CAP2: variants seen among roughly 807,000 people sequenced by gnomAD.
CAP2 encodes cyclase associated actin cytoskeleton regulatory protein 2, also known as adenylyl cyclase-associated protein 2.
CAP2 carries 24 observed loss-of-function variants against 57.7 expected under a neutral mutation model. That is an observed-to-expected ratio of 0.42 (90% CI 0.30 to 0.58). The LOEUF is 0.58. Among genes scored for constraint, CAP2 ranks in the 20% least tolerant of loss-of-function variants. CAP2 has a pLI of 0.22. For missense variants in CAP2, 501 were observed against 590.3 expected (o/e 0.85, Z 1.57); for synonymous variants, 194 against 207.2 (o/e 0.94, Z 0.55).
chr6:17,477,799 G>A (rs2113617588), intron 4 of CAP2, among the ~76,000 whole-genome samples: 1 of 152,060 alleles, frequency 6.6e-6, no homozygotes, highest in Non-Finnish European at 1.5e-5. Context: ...TATTTTTCTT[G>A]AAAAGAAACT....
At chr6:17,537,813 C>T (rs1468174128) in intron 7 of CAP2, among the ~76,000 whole-genome samples, 1 of 152,114 alleles carries the variant, frequency 6.6e-6, no homozygotes, top group Admixed American at 6.6e-5. Context: ...CACCTGTAAT[C>T]CCAGCACTTT....
intron 2 of CAP2, among the ~76,000 whole-genome samples, chr6:17,425,819 G>C (rs917473193): frequency 2.6e-4 from 39 of 152,304 alleles, no homozygotes; most frequent in Non-Finnish European, 7.3e-5. Flanking sequence ...GGAGATCCGG[G>C]CATGGTGGCT....
intron 4 of CAP2, among the ~76,000 whole-genome samples, chr6:17,466,535 G>A (rs376367484): frequency 6.6e-6 from 1 of 152,124 alleles, no homozygotes; most frequent in East Asian, 1.9e-4. Context: ...CATTTCCAAC[G>A]GTCTCTAGAC....
At chr6:17,430,370 A>G (rs1759695558) in intron 3 of CAP2, among the ~76,000 whole-genome samples, 1 of 152,210 alleles carries the variant, frequency 6.6e-6, no homozygotes, top group African/African-American at 2.4e-5. Context: ...CCTTTTAAAA[A>G]AGAATAGATA....
At chr6:17,488,222 T>C (rs1344878365) in intron 4 of CAP2, among the ~76,000 whole-genome samples, 1 of 152,214 alleles carries the variant, frequency 6.6e-6, no homozygotes, top group Non-Finnish European at 1.5e-5. Flanking sequence ...TCTTACTCCA[T>C]GCCATTCAGG....
intron 4 of CAP2, among the ~76,000 whole-genome samples, chr6:17,466,733 T>C (rs1324883889): frequency 6.6e-6 from 1 of 152,162 alleles, no homozygotes; most frequent in African/African-American, 2.4e-5. Flanking sequence ...CCATCCACAA[T>C]CCCAACAAGC....
intron 7 of CAP2, among the ~76,000 whole-genome samples, chr6:17,537,006 A>C (rs995976638): frequency 3.9e-5 from 6 of 152,214 alleles, no homozygotes; most frequent in African/African-American, 1.4e-4. Flanking sequence ...TGATGGAATT[A>C]GGCTGCTCTT....
chr6:17,438,433 GTTTTTTTTTTT>G (rs773266583), intron 3 of CAP2, among the ~76,000 whole-genome samples: 1 of 58,374 alleles, frequency 1.7e-5, no homozygotes, highest in Non-Finnish European at 2.8e-5. Context: ...ATCCAGAAGT[GTTTTTTTTTTT>G]TTTTTTTTTT....
At chr6:17,419,235 A>G (rs1019367125) in intron 1 of CAP2, among the ~76,000 whole-genome samples, 13 of 152,220 alleles carry the variant, frequency 8.5e-5, no homozygotes, top group Non-Finnish European at 1.8e-4. Flanking sequence ...AAATAAATGT[A>G]TTGCCTGGTC....
At chr6:17,401,942 A>G (rs1400764683) in intron 1 of CAP2, among the ~76,000 whole-genome samples, 1 of 152,228 alleles carries the variant, frequency 6.6e-6, no homozygotes, top group Non-Finnish European at 1.5e-5. Context: ...AGTAATTGAA[A>G]ATTTTAAAAA....
intron 1 of CAP2, among the ~76,000 whole-genome samples, chr6:17,401,640 C>CT (rs1414149390): frequency 6.6e-6 from 1 of 152,210 alleles, no homozygotes; most frequent in African/African-American, 2.4e-5. Context: ...TGCAGATAGT[C>CT]TATCTCTCGG....
At chr6:17,498,670 CATT>C (rs1365889926) in intron 4 of CAP2, among the ~76,000 whole-genome samples, 2 of 152,132 alleles carry the variant, frequency 1.3e-5, no homozygotes, top group South Asian at 2.1e-4. Context: ...AGCCTGTCAT[CATT>C]ATTATGTTTT....
intron 4 of CAP2, among the ~76,000 whole-genome samples, chr6:17,472,822 A>G (rs991991095): frequency 2.6e-5 from 4 of 152,212 alleles, no homozygotes; most frequent in African/African-American, 4.8e-5. Flanking sequence ...GCTAATCATT[A>G]GTTTATCAGG....
intron 2 of CAP2, among the ~76,000 whole-genome samples, chr6:17,425,310 CT>C (rs972465013): frequency 6.6e-6 from 1 of 152,170 alleles, no homozygotes; most frequent in African/African-American, 2.4e-5. Context: ...CAGAGCACAC[CT>C]GTTGGGCAGT....
chr6:17,553,860 G>A (rs1467559325), intron 12 of CAP2, among the ~76,000 whole-genome samples: 1 of 152,144 alleles, frequency 6.6e-6, no homozygotes, highest in Non-Finnish European at 1.5e-5. Context: ...ATTTGGGACA[G>A]CTGTTGTGCA....
chr6:17,543,350 GC>G (rs1762953953), intron 11 of CAP2, among the ~76,000 whole-genome samples: 1 of 152,182 alleles, frequency 6.6e-6, no homozygotes, highest in African/African-American at 2.4e-5. Flanking sequence ...AGTCGCGGTG[GC>G]TCACGCCCGT....
intron 7 of CAP2, among the ~76,000 whole-genome samples, chr6:17,519,793 A>C (rs941344651): frequency 1.3e-5 from 2 of 152,140 alleles, no homozygotes; most frequent in Non-Finnish European, 2.9e-5. Context: ...AAAACTCTTC[A>C]TTTCTGTGAA....
intron 1 of CAP2, among the ~76,000 whole-genome samples, chr6:17,397,099 G>A (rs373142925): frequency 2.0e-5 from 3 of 152,036 alleles, no homozygotes; most frequent in Non-Finnish European, 4.4e-5. Context: ...TCTCTCTGTC[G>A]CCCAGGCTGG....
chr6:17,517,479 T>A (rs970371951), intron 7 of CAP2, among the ~76,000 whole-genome samples: 2 of 152,254 alleles, frequency 1.3e-5, no homozygotes, highest in African/African-American at 4.8e-5. Context: ...CACAAAACAA[T>A]ACTTGCTCTT....
Sources: gnomAD v4.1 joint callset for allele counts (sites outside exome capture counted in the v4.1 genomes callset) on GRCh38, gnomAD v4.1.1 for gene constraint, MANE v1.5 for transcripts, NCBI Gene and HGNC (gene_info 2026-07-23, HGNC 2026-07-21) for gene names.